Variants in SPOCD1 observed in about 807,000 individuals in gnomAD.
The protein encoded by SPOCD1 is SPOC domain containing 1, also known as SPOC domain-containing protein 1.
In SPOCD1, 64 loss-of-function variants were observed where a neutral mutation model predicts 92.2. The ratio of observed to expected loss-of-function variants is 0.69; its 90% confidence interval spans 0.57 to 0.86. The LOEUF (loss-of-function observed/expected upper bound fraction) is 0.86. SPOCD1 is among the 40% of genes least tolerant of loss of function. The pLI, the probability that SPOCD1 is intolerant of heterozygous loss-of-function variation, is 0.00. For synonymous variants in SPOCD1, 578 were observed against 619.3 expected, an observed-to-expected ratio of 0.93 and a Z score of 0.99; for missense variants, 1,360 against 1,543.1, an observed-to-expected ratio of 0.88 and a Z score of 1.99.
intron 5 of SPOCD1, 22 bp from the exon 6 acceptor site, chr1:31,799,885 T>C (rs1648315724): frequency 6.2e-7 from 1 of 1,614,108 alleles, no homozygotes. Context: ...GCGTGAGGAA[T>C]TGAGGCTGTG....
rs750781677 is a variant in SPOCD1, at chr1:31,798,677, T to C, written c.1869-76A>G. Reference sequence around the variant, plus strand: ...GCACTTAGTCCCAGAGGGAGGCAGCTGGGTGGGCGGCAGGGTCTGGGCCAA... The same window carrying C: ...GCACTTAGTCCCAGAGGGAGGCAGCCGGGTGGGCGGCAGGGTCTGGGCCAA... On this transcript the variant is annotated intron_variant, in intron 7 of 15. Transcript: ENST00000360482. The surrounding 1 kb of genome is among the most constrained non-coding windows in gnomAD (Gnocchi z 4.1). The C allele has an allele frequency of 3.9e-6, 6 of 1,529,104 alleles. No individual in the cohort carries two copies. Among genetic ancestry groups the C allele is most frequent in the Admixed American group, 4.0e-5 (2 of 49,792 alleles). The allele number at this position is 1,529,104 out of a possible 1,614,324, so 94.7% of individuals were successfully genotyped here.
At chr1:31,807,454 A>G (rs1224299386) in intron 2 of SPOCD1, among the ~76,000 whole-genome samples, 9 of 106,132 alleles carry the variant, frequency 8.5e-5, no homozygotes, top group Non-Finnish European at 1.8e-4. Flanking sequence ...GGACTTTTAA[A>G]TAACAGATAG....
At chr1:31,807,125 C>A (rs1039491761) in intron 2 of SPOCD1, among the ~76,000 whole-genome samples, 4 of 150,760 alleles carry the variant, frequency 2.7e-5, no homozygotes, top group Non-Finnish European at 4.4e-5. Context: ...TGGTGGCTCA[C>A]GCCTGTAATC....
At position 31,794,125 on chromosome 1, in the gene SPOCD1, C is replaced by T. The variant is rs1336073084; in HGVS notation, c.2382G>A (p.Lys794=). 1 of 1,613,636 alleles carries T rather than the reference C, an allele frequency of 6.2e-7. No individual in the cohort carries two copies. Among genetic ancestry groups the T allele is most frequent in the Non-Finnish European group, 8.5e-7 (1 of 1,179,650 alleles). ...CACCCCTCCCGTGTCCCCTCCCACCCTTGCAGATGTGGCAGTTGGGGTCTA... is the reference window on the plus strand; with the variant it reads ...CACCCCTCCCGTGTCCCCTCCCACCTTTGCAGATGTGGCAGTTGGGGTCTA... ...HFLDPNCHIC[K]DWEPSNELLG... Residue 794 remains lysine, a splice_region_variant and synonymous_variant, in exon 11 of 16, where the codon AAG becomes AAA. Coordinates refer to ENST00000360482, the MANE Select transcript of SPOCD1 (RefSeq NM_144569.7).
At chr1:31,799,691 G>T in intron 6 of SPOCD1, 118 bp downstream of exon 6, 1 of 1,335,248 alleles carries the variant, frequency 7.5e-7, no homozygotes, top group Non-Finnish European at 1.1e-6. Flanking sequence ...GCTATAGGCT[G>T]ATGGGATGTG....
At chr1:31,800,307 C>T (rs1014421480) in intron 4 of SPOCD1, 134 bp downstream of exon 4, 87 of 1,429,766 alleles carry the variant, frequency 6.1e-5, no homozygotes, top group Non-Finnish European at 7.7e-5. Context: ...AGGCTGGGGC[C>T]GAACCCTGCC....
Position 31,815,125 on chromosome 1 carries a change from G to A in SPOCD1, c.209C>T (p.Ser70Phe), listed in dbSNP as rs760011777. The A allele has an allele frequency of 1.9e-6, 3 of 1,609,320 alleles. No homozygotes were observed. Among genetic ancestry groups the A allele is most frequent in the Non-Finnish European group, 2.5e-6 (3 of 1,176,612 alleles). Residue 70 changes from serine to phenylalanine, a missense_variant, in exon 2 of 16, where the codon TCC (serine) becomes TTC (phenylalanine). Coordinates refer to ENST00000360482, the MANE Select transcript of SPOCD1 (RefSeq NM_144569.7). ...GACCTCAGCAGCACCTGCAGCCCGG[G>A]AGCTGCCACCTCGAAGGGCCTCCTT... Reference protein sequence around the residue: ...PRKEALRGGSSRAAGAAEVRP... With the variant: ...PRKEALRGGSFRAAGAAEVRP...
In SPOCD1 at chr1:31,793,823, C is replaced by T. The variant is rs1206793157; in HGVS notation, c.2458G>A (p.Ala820Thr). The T allele has an allele frequency of 2.5e-6, 4 of 1,614,092 alleles. No individual in the cohort carries two copies. The highest frequency in any genetic ancestry group is 1.7e-5 in the Admixed American group (1 of 60,010). The part of the protein sequence containing the change: ...KSCGDNIFQK[A>T]LSQTPMPAPE... ...GCAGGCATAGGAGTTTGGCTTAGGG[C>T]TTTCTGGAAGATATTGTCCCCGCAG... The change falls in exon 12 of 16, where the codon GCC (alanine) becomes ACC (threonine). Residue 820 changes from alanine (A) to threonine (T), a missense_variant. Physicochemically the swap from Ala to Thr is moderately conservative, Grantham distance 58. Around this residue, in one of 3 missense-constraint regions of SPOCD1, gnomAD observed 614 missense variants for 757.8 expected, o/e 0.81. Transcript: ENST00000360482.
At chr1:31,804,183 C>A (rs895408657) in intron 2 of SPOCD1, among the ~76,000 whole-genome samples, 7 of 152,208 alleles carry the variant, frequency 4.6e-5, no homozygotes, top group Admixed American at 3.3e-4. Flanking sequence ...AAGTGCTTTA[C>A]ATATTAGTTA....
Position 31,814,215 on chromosome 1 carries a change from C to G in SPOCD1, c.1119G>C (p.Arg373Ser). 6.3e-7 allele frequency: 1 copy of G among 1,579,620 alleles called. No individual in the cohort carries two copies. ...CAGCGAGTCCTTGCTCCAGCCTTCC[C>G]CTGGAAGCTGGCTGAGCCTTGGCCT... ...ELEAKAQPASRGRLEQGLAAP... is the reference protein window; with the variant it reads ...ELEAKAQPASSGRLEQGLAAP... Residue 373 changes from arginine (R) to serine (S), a missense_variant, in exon 2 of 16, where the codon AGG (arginine) becomes AGC (serine). By Grantham distance (110) the Arg-to-Ser change is moderately radical. Coordinates refer to ENST00000360482, the MANE Select transcript of SPOCD1 (RefSeq NM_144569.7). This position sits in a 1 kb window ranked among gnomAD's most constrained non-coding sequence, Gnocchi z 4.2.
Position 31,814,997 on chromosome 1 carries a change from C to G in SPOCD1, c.337G>C (p.Ala113Pro), listed in dbSNP as rs958448667. 1 of 1,613,852 alleles carries G rather than the reference C, an allele frequency of 6.2e-7. No homozygotes were observed. The highest frequency in any genetic ancestry group is 1.3e-5 in the African/African-American group (1 of 74,920). The change falls in exon 2 of 16, where the codon GCT becomes CCT. Residue 113 changes from alanine to proline, a missense_variant. Around this residue, in one of 3 missense-constraint regions of SPOCD1, gnomAD observed 140 missense variants for 183.8 expected, o/e 0.76. Transcript: ENST00000360482. This position sits in a 1 kb window ranked among gnomAD's most constrained non-coding sequence, Gnocchi z 4.2. The stretch of plus-strand genomic sequence containing the variant: ...ACCTGGAGCCTCTTGGAGGTCAGAG[C>G]TCTCCCCTGAGTAGGCACCGAGGGC... ...QLPSVPTQGR[A>P]LTSKRLQVSL...
chr1:31,804,728 T>A lies in SPOCD1; in HGVS notation c.1384-3023A>T, dbSNP rs149333316. On this transcript the variant is annotated intron_variant, in intron 2 of 15. Coordinates refer to ENST00000360482, the MANE Select transcript of SPOCD1 (RefSeq NM_144569.7). ...GAAGAATTTTGAGCAAAGAAAATGA[T>A]GAAGATGTTGTTAAATCTAAATAAA... 1.4e-4 allele frequency among the ~76,000 whole-genome samples: 22 copies of A among 152,168 alleles called. No homozygotes were observed. In the East Asian group the frequency reaches 4.2e-3, roughly 29 times the overall value.
intron 14 of SPOCD1, 56 bp from the exon 15 acceptor site, chr1:31,792,457 C>CCCTGAA (rs755928785): frequency 6.4e-7 from 1 of 1,561,438 alleles, no homozygotes; most frequent in South Asian, 1.2e-5. Context: ...CTCCTGCCAA[C>CCCTGAA]ACCCCTGGGC....
rs190957815 is a variant in SPOCD1, at chr1:31,799,394, G to C, written c.1868+7C>G. Reference sequence around the variant, plus strand: ...GGATGTCAGGGGAGTGGGGAGCAAGGCCTCACCGAGTCCATAGTACCTCCT... The same window carrying C: ...GGATGTCAGGGGAGTGGGGAGCAAGCCCTCACCGAGTCCATAGTACCTCCT... On this transcript the variant is annotated splice_region_variant and intron_variant, in intron 7 of 15. Transcript: ENST00000360482. 1.0e-4 allele frequency: 166 copies of C among 1,604,292 alleles called. No individual in the cohort carries two copies. The highest frequency in any genetic ancestry group is 1.4e-4 in the Non-Finnish European group (162 of 1,175,600).
intron 14 of SPOCD1, 51 bp from the exon 15 acceptor site, chr1:31,792,452 G>GGAGCTC: frequency 1.3e-6 from 2 of 1,576,652 alleles, no homozygotes; most frequent in South Asian, 2.3e-5. Context: ...CTCTGCTCCT[G>GGAGCTC]CCAACACCCC....
chr1:31,808,085 C>A lies in SPOCD1; in HGVS notation c.1383+5866G>T, dbSNP rs1462184198. Among the ~76,000 whole-genome samples the A allele has an allele frequency of 2.0e-5, 3 of 152,074 alleles. No homozygotes were observed. The East Asian group carries it at 5.8e-4, about 29-fold the overall frequency. ...TGTCCAAAGAACAAATAATTCCAAT[C>A]TTAAATACATTATCCCAGAAAATAG... On this transcript the variant is annotated intron_variant, in intron 2 of 15. Coordinates refer to ENST00000360482, the MANE Select transcript of SPOCD1 (RefSeq NM_144569.7).
chr1:31,809,901 C>T (rs1649090006), intron 2 of SPOCD1, among the ~76,000 whole-genome samples: 1 of 152,190 alleles, frequency 6.6e-6, no homozygotes, highest in Non-Finnish European at 1.5e-5. Context: ...GCCTCTCCCA[C>T]CTGGCTCCCG....
Position 31,799,868 on chromosome 1 carries a change from A to G in SPOCD1, c.1729-5T>C, listed in dbSNP as rs746111066. ...TTCAGCCTCCATTGGGCCACTCTGTAGGGGAGGCGTGAGGAATTGAGGCTG... is the reference window on the plus strand; with the variant it reads ...TTCAGCCTCCATTGGGCCACTCTGTGGGGGAGGCGTGAGGAATTGAGGCTG... On this transcript the variant is annotated splice_region_variant and splice_polypyrimidine_tract_variant and intron_variant, in intron 5 of 15. Transcript: ENST00000360482. 1 of 1,613,994 alleles carries G rather than the reference A, an allele frequency of 6.2e-7. No individual in the cohort carries two copies. The highest frequency in any genetic ancestry group is 8.5e-7 in the Non-Finnish European group (1 of 1,180,000).
chr1:31,792,176 G>A, intron 15 of SPOCD1, 39 bp downstream of exon 15: 1 of 1,563,302 alleles, frequency 6.4e-7, no homozygotes. Context: ...GTCACCAAGT[G>A]AGCAGAGGCA....
Sources: allele counts gnomAD v4.1 joint callset (sites outside exome capture counted in the v4.1 genomes callset), GRCh38; gene constraint gnomAD v4.1.1; regional missense constraint gnomAD v4.1.1; non-coding constraint Gnocchi (gnomAD v3.1); transcripts MANE v1.5; gene names NCBI Gene and HGNC (gene_info 2026-07-23, HGNC 2026-07-21).